The following MACROD2 variants were observed in gnomAD, a reference collection of about 807,000 sequenced individuals.
MACROD2 encodes the protein mono-ADP ribosylhydrolase 2.
A neutral mutation model predicts 70.4 loss-of-function variants in MACROD2; 36 were observed. The ratio of observed to expected loss-of-function variants is 0.51; its 90% CI spans 0.39 to 0.68. The LOEUF is 0.68. Among genes scored for constraint, MACROD2 ranks in the 30% least tolerant of loss-of-function variants. MACROD2 has a pLI of 0.00. For missense variants in MACROD2, 496 were observed against 538.4 expected (o/e 0.92, Z 0.78); for synonymous variants, 172 against 178.8 (o/e 0.96, Z 0.30).
chr20:15,144,186 G>T (rs890440436), intron 5 of MACROD2, among the ~76,000 whole-genome samples: 13 of 151,890 alleles, frequency 8.6e-5, no homozygotes, highest in African/African-American at 3.1e-4. Context: ...AAACTTCTGG[G>T]CTCAAGCAAT....
chr20:15,368,461 CTT>C lies in MACROD2; in HGVS notation c.541-62927_541-62926del, dbSNP rs11479469. ...TATTTTCTCTTCTACCAATCACAAA[CTT>C]TTTTTTTTTTTTTTTTGAGACAGGG... On this transcript the variant is annotated intron_variant, in intron 6 of 17. Coordinates refer to ENST00000684519, the MANE Select transcript of MACROD2 (RefSeq NM_001351661.2). 2.8e-3 allele frequency among the ~76,000 whole-genome samples: 377 copies of C among 136,734 alleles called. 4 individuals carry two copies. The highest frequency in any genetic ancestry group is 8.9e-3 in the African/African-American group (324 of 36,604). The allele number at this position is 136,734 out of a possible 152,430, so 89.7% of individuals were successfully genotyped here.
At chr20:14,348,951 C>T (rs1234098001) in intron 3 of MACROD2, among the ~76,000 whole-genome samples, 13 of 152,106 alleles carry the variant, frequency 8.5e-5, no homozygotes, top group Non-Finnish European at 2.9e-5. Flanking sequence ...GCCTATGGTT[C>T]CAGCTACTTG....
At chr20:14,149,786 T>C (rs900789161) in intron 3 of MACROD2, among the ~76,000 whole-genome samples, 5 of 152,140 alleles carry the variant, frequency 3.3e-5, no homozygotes, top group African/African-American at 9.6e-5. Flanking sequence ...TGTATGAAAG[T>C]GACCAGTTTT....
At chr20:15,679,938 G>A (rs540135819) in intron 8 of MACROD2, among the ~76,000 whole-genome samples, 1 of 152,180 alleles carries the variant, frequency 6.6e-6, no homozygotes, top group Non-Finnish European at 1.5e-5. Flanking sequence ...AGCAGATATT[G>A]ACAACTGAAA....
At chr20:14,965,813 T>A (rs1368011561) in intron 5 of MACROD2, among the ~76,000 whole-genome samples, 1 of 152,054 alleles carries the variant, frequency 6.6e-6, no homozygotes, top group African/African-American at 2.4e-5. Context: ...ATAAATTTTA[T>A]CCAGTATAAA....
chr20:14,710,975 T>A (rs2071331778), intron 5 of MACROD2, among the ~76,000 whole-genome samples: 2 of 152,172 alleles, frequency 1.3e-5, no homozygotes, highest in South Asian at 4.1e-4. Flanking sequence ...GTCTGAGGGA[T>A]TCCATATTGG....
intron 3 of MACROD2, among the ~76,000 whole-genome samples, chr20:14,427,532 CATAAT>C (rs1296082592): frequency 2.0e-5 from 3 of 151,260 alleles, no homozygotes; most frequent in Non-Finnish European, 2.9e-5. Flanking sequence ...ATACATGTAA[CATAAT>C]ATATAACATA....
In MACROD2 at chr20:14,918,110, A is replaced by G. The variant is rs148249439; in HGVS notation, c.418+233151A>G. Among the ~76,000 whole-genome samples the G allele has an allele frequency of 4.5e-3, 688 of 152,164 alleles. 7 individuals are homozygous for G. Among genetic ancestry groups the G allele is most frequent in the African/African-American group, 0.016 (644 of 41,522 alleles). ...CATCTCAGCCTCACGAGTAGGTGGAACTACAGGCACACACCACCATCCCCA... is the reference window on the plus strand; with the variant it reads ...CATCTCAGCCTCACGAGTAGGTGGAGCTACAGGCACACACCACCATCCCCA... On this transcript the variant is annotated intron_variant, in intron 5 of 17. Coordinates refer to ENST00000684519, the MANE Select transcript of MACROD2 (RefSeq NM_001351661.2).
At chr20:14,868,467 C>G (rs1390129467) in intron 5 of MACROD2, among the ~76,000 whole-genome samples, 1 of 151,966 alleles carries the variant, frequency 6.6e-6, no homozygotes, top group African/African-American at 2.4e-5. Flanking sequence ...TGCCTGGCCT[C>G]CCATGTCTCC....
intron 5 of MACROD2, among the ~76,000 whole-genome samples, chr20:15,019,121 A>C (rs2122956524): frequency 6.6e-6 from 1 of 152,258 alleles, no homozygotes; most frequent in East Asian, 1.9e-4. Context: ...GTGTAATGGG[A>C]CTTTTATTCC....
intron 3 of MACROD2, among the ~76,000 whole-genome samples, chr20:14,363,774 G>A (rs1001625825): frequency 7.7e-6 from 1 of 130,342 alleles, no homozygotes; most frequent in South Asian, 2.5e-4. Flanking sequence ...CAGACATCGC[G>A]CCACTGCACT....
chr20:15,206,719 A>ATTTTTTTTTTT (rs1568636094), intron 5 of MACROD2, among the ~76,000 whole-genome samples: 4 of 48,130 alleles, frequency 8.3e-5, no homozygotes, highest in African/African-American at 2.2e-4. Context: ...CATATTATCT[A>ATTTTTTTTTTT]TGTTTTTTTT....
In MACROD2 at chr20:14,672,724, C is replaced by A. The variant is rs79632634; in HGVS notation, c.302-12119C>A. Among the ~76,000 whole-genome samples, 806 of 152,212 alleles carry A rather than the reference C, an allele frequency of 5.3e-3. 16 individuals carry two copies. The highest frequency in any genetic ancestry group is 0.018 in the African/African-American group (764 of 41,536). On this transcript the variant is annotated intron_variant, in intron 4 of 17. Coordinates refer to ENST00000684519, the MANE Select transcript of MACROD2 (RefSeq NM_001351661.2). ...AAAAATTCTAAGCGACAGAGACTGG[C>A]ATTTTGATTTTAAAGCCCTTTTAAT...
chr20:14,377,492 A>G (rs2083383340), intron 3 of MACROD2, among the ~76,000 whole-genome samples: 1 of 152,154 alleles, frequency 6.6e-6, no homozygotes, highest in South Asian at 2.1e-4. Flanking sequence ...TGCAGACTTG[A>G]GGATTTTCCT....
intron 6 of MACROD2, among the ~76,000 whole-genome samples, chr20:15,376,652 C>T (rs1028621358): frequency 1.3e-5 from 2 of 152,136 alleles, no homozygotes; most frequent in Non-Finnish European, 2.9e-5. Context: ...AAAATTACTT[C>T]TAACAGAAAG....
intron 15 of MACROD2, among the ~76,000 whole-genome samples, chr20:16,011,695 T>A (rs1029849919): frequency 1.3e-5 from 2 of 151,740 alleles, no homozygotes; most frequent in African/African-American, 2.4e-5. Flanking sequence ...TAGCAAAGCA[T>A]CCAGATGCCC....
At chr20:15,235,384 T>C (rs545825232) in intron 6 of MACROD2, among the ~76,000 whole-genome samples, 1 of 152,282 alleles carries the variant, frequency 6.6e-6, no homozygotes, top group South Asian at 2.1e-4. Context: ...GAAAAAACAT[T>C]GTAAATTTTT....
chr20:15,679,135 G>A (rs1302585682), intron 8 of MACROD2, among the ~76,000 whole-genome samples: 1 of 151,706 alleles, frequency 6.6e-6, no homozygotes, highest in Non-Finnish European at 1.5e-5. Flanking sequence ...TGCTTGGGAG[G>A]CTAAGGCAGG....
intron 8 of MACROD2, among the ~76,000 whole-genome samples, chr20:15,798,691 A>ACACATACCAATG (rs1168505030): frequency 5.3e-5 from 8 of 152,200 alleles, no homozygotes; most frequent in Non-Finnish European, 1.2e-4. Context: ...CCATAAGCAG[A>ACACATACCAATG]CACATACCAA....
Sources: allele counts gnomAD v4.1 joint callset (sites outside exome capture counted in the v4.1 genomes callset), GRCh38; gene constraint gnomAD v4.1.1; transcripts MANE v1.5; gene names NCBI Gene and HGNC (gene_info 2026-07-23, HGNC 2026-07-21).